The following EGLN2 variants were observed in gnomAD, a reference collection of about 807,000 sequenced individuals.
EGLN2 encodes the protein egl-9 family hypoxia inducible factor 2.
A neutral mutation model predicts 38.2 loss-of-function variants in EGLN2; 15 were observed. The ratio of observed to expected loss-of-function variants is 0.39; its 90% CI spans 0.26 to 0.60. The LOEUF is 0.60. Among genes scored for constraint, EGLN2 ranks in the 20% least tolerant of loss-of-function variants. The probability of loss-of-function intolerance (pLI) is 0.50; values close to 1 mark genes in which losing one functional copy is unlikely to be tolerated. For missense variants in EGLN2, 492 were observed against 570.4 expected (o/e 0.86, Z 1.40); for synonymous variants, 284 against 237.4 (o/e 1.20, Z -1.81).
chr19:40,802,033 A>G (rs2083264927), intron 2 of EGLN2, among the ~76,000 whole-genome samples: 1 of 152,096 alleles, frequency 6.6e-6, no homozygotes, highest in African/African-American at 2.4e-5. Context: ...GGATGTAGAT[A>G]GGCACACAGT....
chr19:40,799,675 G>C (rs2083236241), intron 1 of EGLN2: 1 of 151,970 alleles, frequency 6.6e-6, no homozygotes, highest in Non-Finnish European at 1.5e-5. Context: ...CTCTGTCGCC[G>C]CGGACCCTCT....
In EGLN2 at chr19:40,802,177, A is replaced by G. The variant is rs906947623; in HGVS notation, c.843+762A>G. Among the ~76,000 whole-genome samples, 6 of 151,774 alleles carry G rather than the reference A, an allele frequency of 4.0e-5. No individual in the cohort carries two copies. The South Asian group carries it at 1.0e-3, about 26-fold the overall frequency. ...CCAAGGCAGGAGAAGCAGAAGGGGG[A>G]GGGTGGCTGTGATGAGTGAGCCCTG... On this transcript the variant is annotated intron_variant, in intron 2 of 5. Coordinates refer to ENST00000303961, the MANE Select transcript of EGLN2 (RefSeq NM_080732.4).
chr19:40,806,997 T>C, intron 3 of EGLN2, 141 bp from the exon 4 acceptor site: 2 of 1,298,322 alleles, frequency 1.5e-6, no homozygotes, highest in Non-Finnish European at 2.1e-6. Context: ...AGTCTCTGGG[T>C]TGTCATTCAC....
chr19:40,807,882 G>A lies in EGLN2; in HGVS notation c.*18G>A, dbSNP rs374000050. On this transcript the variant is annotated 3_prime_UTR_variant, in exon 6 of 6. Coordinates refer to ENST00000303961, the MANE Select transcript of EGLN2 (RefSeq NM_080732.4). ...CCACCTAGTGGCCAGTCCCAGAGCC[G>A]CATGGCAGACAGCTTAAATGACTTC... 15 of 1,613,080 alleles carry A rather than the reference G, an allele frequency of 9.3e-6. No homozygotes were observed. The highest frequency in any genetic ancestry group is 7.7e-5 in the South Asian group (7 of 90,970).
chr19:40,807,371 A>G, intron 4 of EGLN2, 97 bp downstream of exon 4: 1 of 1,603,136 alleles, frequency 6.2e-7, no homozygotes, highest in Admixed American at 1.7e-5. Flanking sequence ...AAGTATTGAG[A>G]GGGGGCCTAG....
rs1283099614 is a variant in EGLN2, at chr19:40,800,878, G to A, written c.306G>A (p.Lys102=). The A allele has an allele frequency of 1.2e-6, 2 of 1,611,558 alleles. No individual in the cohort carries two copies. The highest frequency in any genetic ancestry group is 2.7e-5 in the African/African-American group (2 of 75,046). The change falls in exon 2 of 6, where the codon AAG becomes AAA. Residue 102 remains lysine (K), a synonymous_variant. Transcript: ENST00000303961. ...QSEGAAALVT[K]GCQRLAAQGA... ...AAGGCGCTGCAGCGCTGGTCACCAA[G>A]GGGTGCCAGCGATTGGCAGCCCAGG... is the stretch of plus-strand genomic sequence containing the variant.
At chr19:40,805,604 AT>A (rs1456014593) in intron 2 of EGLN2, 1 of 152,216 alleles carries the variant, frequency 6.6e-6, no homozygotes, top group Admixed American at 6.5e-5. Flanking sequence ...TGGCTGGGCC[AT>A]TTCCTTTACC....
chr19:40,806,546 C>T lies in EGLN2; in HGVS notation c.844-9C>T. The T allele has an allele frequency of 6.2e-7, 1 of 1,614,056 alleles. No homozygotes were observed. Among genetic ancestry groups the T allele is most frequent in the Non-Finnish European group, 8.5e-7 (1 of 1,179,958 alleles). ...CCCCAGTAAACCTACCTCCCTCCAT[C>T]CCTGCCAGGCCATGGTGGCGTGTTA... On this transcript the variant is annotated splice_polypyrimidine_tract_variant and intron_variant, in intron 2 of 5. Coordinates refer to ENST00000303961, the MANE Select transcript of EGLN2 (RefSeq NM_080732.4).
chr19:40,806,842 C>T, intron 3 of EGLN2, 168 bp downstream of exon 3: 1 of 1,035,736 alleles, frequency 9.7e-7, no homozygotes, highest in Non-Finnish European at 1.4e-6. Context: ...GGAAATGGCA[C>T]CTCCTCCTCT....
chr19:40,802,773 C>T (rs1160210377), intron 2 of EGLN2, among the ~76,000 whole-genome samples: 1 of 152,210 alleles, frequency 6.6e-6, no homozygotes, highest in Non-Finnish European at 1.5e-5. Context: ...TGGACAAGGC[C>T]CTGTGGGGAG....
Position 40,800,551 on chromosome 19 carries a change from G to T in EGLN2, c.-22G>T. On this transcript the variant is annotated 5_prime_UTR_variant, in exon 2 of 6. Transcript: ENST00000303961. ...GGCCCGGGCGGTGCCCTCCATGCCC[G>T]GGGGATGAAGACACTGCTGCCATGG... The T allele has an allele frequency of 6.4e-7, 1 of 1,560,138 alleles. No individual in the cohort carries two copies. The highest frequency in any genetic ancestry group is 2.3e-5 in the East Asian group (1 of 43,700).
rs772796341 is a variant in EGLN2, at chr19:40,807,159, A to G, written c.985A>G (p.Ile329Val). 1 of 1,614,060 alleles carries G rather than the reference A, an allele frequency of 6.2e-7. No individual in the cohort carries two copies. Among genetic ancestry groups the G allele is most frequent in the East Asian group, 2.2e-5 (1 of 44,884 alleles). Residue 329 changes from isoleucine to valine, a missense_variant, in exon 4 of 6, where the codon ATC becomes GTC. Coordinates refer to ENST00000303961, the MANE Select transcript of EGLN2 (RefSeq NM_080732.4). ...DVKVHGGLLQ[I>V]FPEGRPVVAN... Reference sequence around the variant, plus strand: ...CCAGGTGCATGGCGGCCTGCTGCAGATCTTCCCTGAGGGCCGGCCCGTGGT... The same window carrying G: ...CCAGGTGCATGGCGGCCTGCTGCAGGTCTTCCCTGAGGGCCGGCCCGTGGT...
intron 2 of EGLN2, among the ~76,000 whole-genome samples, chr19:40,801,887 T>G (rs1417528231): frequency 1.3e-5 from 2 of 151,968 alleles, no homozygotes; most frequent in African/African-American, 4.8e-5. Flanking sequence ...CATGCTGCCT[T>G]CAAGCATCGC....
rs369347048 is a variant in EGLN2 at position 40,801,099 on chromosome 19, G to T, written c.527G>T (p.Arg176Leu). 1.2e-6 allele frequency: 2 copies of T among 1,612,704 alleles called. No individual in the cohort carries two copies. The highest frequency in any genetic ancestry group is 1.7e-6 in the Non-Finnish European group (2 of 1,179,942). ...GAGGCGCTGCCCTCTGCGCCCGAGC[G>T]CCTGGCCCTGGACTATATCGTGCCC... ...MEEALPSAPE[R>L]LALDYIVPCM... is the part of the protein sequence containing the mutation. The change falls in exon 2 of 6, where the codon CGC becomes CTC. Residue 176 changes from arginine to leucine, a missense_variant. By Grantham distance (102) the Arg-to-Leu change is moderately radical. Coordinates refer to ENST00000303961, the MANE Select transcript of EGLN2 (RefSeq NM_080732.4).
intron 1 of EGLN2, chr19:40,800,097 G>A (rs2083241985): frequency 1.2e-5 from 2 of 172,064 alleles, no homozygotes; most frequent in Admixed American, 1.1e-4. Context: ...CTCTGTCTTA[G>A]GGTCATCTAC....
At chr19:40,805,009 ATG>A (rs1311769490) in intron 2 of EGLN2, 2 of 152,252 alleles carry the variant, frequency 1.3e-5, no homozygotes, top group African/African-American at 4.8e-5. Flanking sequence ...CCCTGGGATA[ATG>A]TGTTGGGAGG....
At position 40,807,952 on chromosome 19, in the gene EGLN2, C is replaced by A; in HGVS notation, c.*88C>A. Reference sequence around the variant, plus strand: ...GCTGGCTGCTCCTTCCCTGCCACCGCTGCTGCTTCTGACTTTGCCTCTGTC... The same window carrying A: ...GCTGGCTGCTCCTTCCCTGCCACCGATGCTGCTTCTGACTTTGCCTCTGTC... On this transcript the variant is annotated 3_prime_UTR_variant, in exon 6 of 6. Transcript: ENST00000303961. The A allele has an allele frequency of 1.5e-6, 2 of 1,307,512 alleles. No individual in the cohort carries two copies. Among genetic ancestry groups the A allele is most frequent in the Non-Finnish European group, 2.2e-6 (2 of 921,530 alleles). 81.0% of individuals were successfully genotyped at this position (1,307,512 alleles called of 1,614,324 possible).
rs1034071713 is a variant in EGLN2 at position 40,801,026 on chromosome 19, T to C, written c.454T>C (p.Cys152Arg). Residue 152 changes from cysteine to arginine, a missense_variant, in exon 2 of 6, where the codon TGC becomes CGC. This residue lies in a region of EGLN2 where 378 missense variants were observed against 386.2 expected (regional missense o/e 0.98). Transcript: ENST00000303961. ...QEAEREGGMS[C>R]SCSSGSGEAS... The stretch of plus-strand genomic sequence containing the variant: ...GGCAGAGCGGGAGGGTGGCATGAGC[T>C]GCAGCTGCAGCAGTGGCAGTGGTGA... 3 of 1,613,058 alleles carry C rather than the reference T, an allele frequency of 1.9e-6. No homozygotes were observed. The highest frequency in any genetic ancestry group is 1.1e-5 in the South Asian group (1 of 91,088).
intron 2 of EGLN2, 46 bp from the exon 3 acceptor site, chr19:40,806,509 G>T (rs111423724): frequency 6.2e-7 from 1 of 1,609,804 alleles, no homozygotes; most frequent in Non-Finnish European, 8.5e-7. Flanking sequence ...TCTCTAAGAT[G>T]TGCCTGCCTA....
Sources: gnomAD v4.1 joint callset for allele counts (sites outside exome capture counted in the v4.1 genomes callset) on GRCh38, gnomAD v4.1.1 for gene constraint, gnomAD v4.1.1 regional missense constraint, MANE v1.5 for transcripts, NCBI Gene and HGNC (gene_info 2026-07-23, HGNC 2026-07-21) for gene names.